The following NPEPPS variants were observed in gnomAD, a reference collection of about 807,000 sequenced individuals.
NPEPPS encodes aminopeptidase puromycin sensitive, also known as puromycin-sensitive aminopeptidase.
NPEPPS carries 14 observed loss-of-function variants against 115.5 expected under a neutral mutation model. The observed-to-expected ratio is 0.12, with a 90% CI of 0.08 to 0.19. The LOEUF (loss-of-function observed/expected upper bound fraction) is 0.19, where lower values mean the gene tolerates loss of function less well. NPEPPS is among the 10% of genes least tolerant of loss of function. The probability of loss-of-function intolerance (pLI) is 1.00; values close to 1 mark genes in which losing one functional copy is unlikely to be tolerated. For synonymous variants in NPEPPS, 285 were observed against 390.6 expected (o/e 0.73, Z 3.19); for missense variants, 523 against 1,110.8 (o/e 0.47, Z 7.52).
chr17:47,531,959 C>G (rs1029810543), intron 1 of NPEPPS, among the ~76,000 whole-genome samples: 1 of 152,180 alleles, frequency 6.6e-6, no homozygotes, highest in Non-Finnish European at 1.5e-5. Context: ...GGAGTCCCCG[C>G]TCTGCCTCAA....
chr17:47,573,606 C>G (rs1911330287), intron 3 of NPEPPS, among the ~76,000 whole-genome samples: 1 of 152,148 alleles, frequency 6.6e-6, no homozygotes, highest in Non-Finnish European at 1.5e-5. Flanking sequence ...CCTGTAATCC[C>G]AACACTTTGG....
intron 13 of NPEPPS, among the ~76,000 whole-genome samples, chr17:47,597,380 C>G (rs988353847): frequency 6.6e-6 from 1 of 152,108 alleles, no homozygotes; most frequent in Non-Finnish European, 1.5e-5. Context: ...TGAAATTGTT[C>G]TCTTCAGTTT....
At chr17:47,602,681 CTTT>C (rs906667740) in intron 15 of NPEPPS, among the ~76,000 whole-genome samples, 1 of 139,172 alleles carries the variant, frequency 7.2e-6, no homozygotes, top group African/African-American at 2.6e-5. Flanking sequence ...TTATCAACTT[CTTT>C]TTTTTTTGAG....
At chr17:47,540,527 G>A (rs1305702530) in intron 1 of NPEPPS, among the ~76,000 whole-genome samples, 1 of 152,178 alleles carries the variant, frequency 6.6e-6, no homozygotes, top group Non-Finnish European at 1.5e-5. Context: ...GTTATACTGC[G>A]TTGTAGTCAG....
intron 12 of NPEPPS, among the ~76,000 whole-genome samples, chr17:47,593,991 T>TA (rs1912678247): frequency 6.6e-6 from 1 of 151,830 alleles, no homozygotes. Context: ...CTCGCTTCTA[T>TA]AAAAAGTACA....
chr17:47,524,626 C>G (rs1302820198), intron 1 of NPEPPS, among the ~76,000 whole-genome samples: 1 of 151,204 alleles, frequency 6.6e-6, no homozygotes, highest in East Asian at 2.0e-4. Flanking sequence ...TCCTGAGTAG[C>G]TGGGACTACA....
chr17:47,571,104 T>G (rs1911164944), intron 3 of NPEPPS, among the ~76,000 whole-genome samples: 1 of 152,190 alleles, frequency 6.6e-6, no homozygotes, highest in South Asian at 2.1e-4. Flanking sequence ...TGAAATATAC[T>G]TAGCAATTAA....
At chr17:47,537,038 C>T (rs371461695) in intron 1 of NPEPPS, among the ~76,000 whole-genome samples, 43 of 152,018 alleles carry the variant, frequency 2.8e-4, no homozygotes, top group African/African-American at 1.0e-3. Flanking sequence ...TCTATGTAAT[C>T]ATTTTGGCCA....
At chr17:47,575,522 A>G (rs909909630) in intron 3 of NPEPPS, among the ~76,000 whole-genome samples, 1 of 150,476 alleles carries the variant, frequency 6.6e-6, no homozygotes, top group Non-Finnish European at 1.5e-5. Context: ...TTGAGCTAAT[A>G]TAACAACTGA....
chr17:47,620,797 G>C (rs1050708502), intron 22 of NPEPPS, among the ~76,000 whole-genome samples: 20 of 152,166 alleles, frequency 1.3e-4, no homozygotes, highest in Admixed American at 1.3e-3. Flanking sequence ...TTTAAGAGTT[G>C]CTTTGTTTTC....
At chr17:47,546,391 A>G (rs1300487795) in intron 2 of NPEPPS, among the ~76,000 whole-genome samples, 1 of 152,084 alleles carries the variant, frequency 6.6e-6, no homozygotes, top group African/African-American at 2.4e-5. Context: ...GCGCCGCTGC[A>G]CTCCAGCCTG....
intron 22 of NPEPPS, among the ~76,000 whole-genome samples, chr17:47,621,397 A>AAATT (rs1914563635): frequency 3.3e-5 from 5 of 152,156 alleles, no homozygotes; most frequent in Admixed American, 6.5e-5. Context: ...ATAGTTGAGA[A>AAATT]AACTGAGACT....
intron 8 of NPEPPS, chr17:47,586,876 A>G (rs963106050): frequency 7.3e-6 from 3 of 409,708 alleles, no homozygotes; most frequent in African/African-American, 4.1e-5. Flanking sequence ...TTTTGGGACT[A>G]TGGAATGCAT....
At chr17:47,578,264 T>G (rs1399084045) in intron 3 of NPEPPS, among the ~76,000 whole-genome samples, 4 of 152,104 alleles carry the variant, frequency 2.6e-5, no homozygotes, top group Non-Finnish European at 5.9e-5. Context: ...TCATTGCTCT[T>G]TAGCATTCCA....
chr17:47,532,658 CA>C (rs898672269), intron 1 of NPEPPS, among the ~76,000 whole-genome samples: 1,551 of 51,472 alleles, frequency 0.03, 4 homozygotes, highest in Non-Finnish European at 0.036. Flanking sequence ...GACTCCGTCT[CA>C]AAAAAAAAAA....
chr17:47,528,925 C>T (rs1408262370), upstream of NPEPPS, among the ~76,000 whole-genome samples: 5 of 151,872 alleles, frequency 3.3e-5, no homozygotes, highest in Non-Finnish European at 7.4e-5. Context: ...CGTGAGCCAC[C>T]GTGCCCGGCC....
intron 14 of NPEPPS, among the ~76,000 whole-genome samples, chr17:47,600,523 T>C (rs926168406): frequency 2.0e-5 from 3 of 152,226 alleles, no homozygotes; most frequent in Non-Finnish European, 4.4e-5. Flanking sequence ...TTCTGCCTCT[T>C]ACCTATAATC....
chr17:47,552,652 G>A (rs1479962343), intron 2 of NPEPPS, among the ~76,000 whole-genome samples: 3 of 152,160 alleles, frequency 2.0e-5, no homozygotes, highest in Admixed American at 2.0e-4. Flanking sequence ...TAGCCTTAAG[G>A]TGATATGGAT....
chr17:47,623,185 G>T lies in NPEPPS; in HGVS notation c.*1265G>T, dbSNP rs879054629. On this transcript the variant is annotated 3_prime_UTR_variant, in exon 23 of 23. Transcript: ENST00000322157. ...GTATTTCAGAAGGTCATCAGATTGT[G>T]AGACTGCTTCCTTGAAACATTTTTG... is the stretch of plus-strand genomic sequence containing the variant. 15 of 172,064 alleles carry T rather than the reference G, an allele frequency of 8.7e-5. No homozygotes were observed. The South Asian group carries it at 1.7e-3, about 19-fold the overall frequency. 10.7% of individuals were successfully genotyped at this position (172,064 alleles called of 1,614,324 possible). A position where few individuals can be genotyped will look rare whatever the true frequency, so the allele number is the denominator to read the frequency against.
Sources: gnomAD v4.1 joint callset for allele counts (sites outside exome capture counted in the v4.1 genomes callset) on GRCh38, gnomAD v4.1.1 for gene constraint, MANE v1.5 for transcripts, NCBI Gene and HGNC (gene_info 2026-07-23, HGNC 2026-07-21) for gene names.